SPATA6: variants seen among roughly 807,000 people sequenced by gnomAD.
SPATA6 encodes the protein spermatogenesis associated 6.
Under a neutral mutation model 65.3 loss-of-function variants are expected in SPATA6, and 56 were observed. That is an observed-to-expected ratio of 0.86 (90% CI 0.69 to 1.07). The LOEUF (loss-of-function observed/expected upper bound fraction) is 1.07. Among genes scored for constraint, SPATA6 ranks in the 50% least tolerant of loss-of-function variants. The pLI is 0.00. For missense variants in SPATA6, 590 were observed against 594.8 expected, an observed-to-expected ratio of 0.99 and a Z score of 0.08; for synonymous variants, 199 against 213.2, an observed-to-expected ratio of 0.93 and a Z score of 0.58.
Position 48,305,873 on chromosome 1 carries a change from C to T in SPATA6, c.1200G>A (p.Glu400=), listed in dbSNP as rs1645049260. The change falls in exon 12 of 13, where the codon GAG becomes GAA. Residue 400 remains glutamate (E), a synonymous_variant. Transcript: ENST00000371847. Reference sequence around the variant, plus strand: ...GTTCATCATCTTTCTCTAGGTCTCTCTCATCCTGAAAAATTTTAAAGATTT... The same window carrying T: ...GTTCATCATCTTTCTCTAGGTCTCTTTCATCCTGAAAAATTTTAAAGATTT... ...HQAHQRHLYD[E]RDLEKDDELE... The T allele has an allele frequency of 1.2e-6, 2 of 1,610,792 alleles. No homozygotes were observed. The highest frequency in any genetic ancestry group is 1.1e-5 in the South Asian group (1 of 90,758).
chr1:48,433,545 T>C (rs1654603134), intron 3 of SPATA6, among the ~76,000 whole-genome samples: 1 of 152,282 alleles, frequency 6.6e-6, no homozygotes, highest in East Asian at 1.9e-4. Context: ...AAATGTACTA[T>C]GATACTCCAG....
At position 48,445,389 on chromosome 1, in the gene SPATA6, C is replaced by T. The variant is rs181869201; in HGVS notation, c.238+6163G>A. On this transcript the variant is annotated intron_variant, in intron 3 of 12. Transcript: ENST00000371847. ...CTTAAAAAGCTAACACATGGCTGGG[C>T]GTGGTGGCTCACGCCTGTAATCCCA... Among the ~76,000 whole-genome samples, 23 of 152,226 alleles carry T rather than the reference C, an allele frequency of 1.5e-4. No homozygotes were observed. In the East Asian group the frequency reaches 2.5e-3, roughly 17 times the overall value.
chr1:48,418,276 G>C (rs774660894), intron 3 of SPATA6, among the ~76,000 whole-genome samples: 1 of 151,934 alleles, frequency 6.6e-6, no homozygotes, highest in Non-Finnish European at 1.5e-5. Flanking sequence ...AACAAAAAAG[G>C]GAAAATGCTG....
At chr1:48,312,183 T>G (rs1029790511) in intron 11 of SPATA6, among the ~76,000 whole-genome samples, 1 of 152,156 alleles carries the variant, frequency 6.6e-6, no homozygotes, top group African/African-American at 2.4e-5. Context: ...TCTGCAGACT[T>G]AAATGTCCCT....
intron 3 of SPATA6, among the ~76,000 whole-genome samples, chr1:48,424,341 T>C (rs1653637824): frequency 6.6e-6 from 1 of 152,262 alleles, no homozygotes; most frequent in Non-Finnish European, 1.5e-5. Context: ...TATTCTTTCT[T>C]ACGGTTGAAT....
At chr1:48,361,764 T>C (rs1432885051) in intron 9 of SPATA6, among the ~76,000 whole-genome samples, 1 of 152,198 alleles carries the variant, frequency 6.6e-6, no homozygotes, top group African/African-American at 2.4e-5. Context: ...TATACATTAG[T>C]TGCCCAATAA....
chr1:48,459,887 AAG>A (rs1657296619), intron 1 of SPATA6, among the ~76,000 whole-genome samples: 2 of 152,230 alleles, frequency 1.3e-5, no homozygotes, highest in South Asian at 4.1e-4. Flanking sequence ...TAGGTCAAAG[AAG>A]AAATTATAAG....
At chr1:48,317,071 C>G (rs1052772841) in intron 11 of SPATA6, among the ~76,000 whole-genome samples, 1 of 152,194 alleles carries the variant, frequency 6.6e-6, no homozygotes, top group Non-Finnish European at 1.5e-5. Context: ...CACTTTTACA[C>G]TGTTGGTGGG....
intron 6 of SPATA6, among the ~76,000 whole-genome samples, chr1:48,401,144 C>A (rs919903841): frequency 3.3e-5 from 5 of 152,028 alleles, no homozygotes; most frequent in African/African-American, 1.2e-4. Flanking sequence ...TCTTGACTCA[C>A]TGAATCTGTT....
chr1:48,374,949 C>T (rs1647713757), intron 9 of SPATA6, among the ~76,000 whole-genome samples: 1 of 152,154 alleles, frequency 6.6e-6, no homozygotes, highest in Non-Finnish European at 1.5e-5. Context: ...TGTATTATGT[C>T]ATAAACTCAG....
intron 3 of SPATA6, among the ~76,000 whole-genome samples, chr1:48,431,047 C>T (rs370399527): frequency 6.6e-6 from 1 of 152,138 alleles, no homozygotes; most frequent in East Asian, 1.9e-4. Flanking sequence ...TCTAAAGATG[C>T]ACACATTTTA....
At chr1:48,385,954 A>G (rs924337728) in intron 8 of SPATA6, among the ~76,000 whole-genome samples, 2 of 152,200 alleles carry the variant, frequency 1.3e-5, no homozygotes, top group Admixed American at 6.5e-5. Context: ...TCTTACACGT[A>G]AGGCACTAAA....
In SPATA6 at chr1:48,471,657, T is replaced by A. The variant is rs912581871; in HGVS notation, c.51+301A>T. On this transcript the variant is annotated intron_variant, in intron 1 of 12. Coordinates refer to ENST00000371847, the MANE Select transcript of SPATA6 (RefSeq NM_019073.4). ...CCGCGCCGCGCACATACACTCTCTCTCACTGGAAAGTTAGGAGCGAGGAAA... is the reference window on the plus strand; with the variant it reads ...CCGCGCCGCGCACATACACTCTCTCACACTGGAAAGTTAGGAGCGAGGAAA... 3.9e-5 allele frequency among the ~76,000 whole-genome samples: 6 copies of A among 152,240 alleles called. No individual in the cohort carries two copies. The East Asian group carries it at 1.2e-3, about 29-fold the overall frequency.
intron 4 of SPATA6, among the ~76,000 whole-genome samples, chr1:48,412,711 C>T (rs771678078): frequency 7.9e-5 from 12 of 152,066 alleles, no homozygotes; most frequent in Admixed American, 2.6e-4. Context: ...CTCTGCCTCC[C>T]GGGTTCAAGT....
chr1:48,457,854 G>A (rs1356388271), intron 1 of SPATA6, among the ~76,000 whole-genome samples: 1 of 151,798 alleles, frequency 6.6e-6, no homozygotes, highest in Non-Finnish European at 1.5e-5. Flanking sequence ...TAAAAACAGT[G>A]TAAATGCATT....
chr1:48,407,942 A>G (rs928058507), intron 5 of SPATA6, among the ~76,000 whole-genome samples: 1 of 152,228 alleles, frequency 6.6e-6, no homozygotes, highest in Non-Finnish European at 1.5e-5. Flanking sequence ...ATTACATTAA[A>G]GAGACCATAA....
chr1:48,379,842 C>T (rs924390747), intron 9 of SPATA6, among the ~76,000 whole-genome samples: 1 of 152,072 alleles, frequency 6.6e-6, no homozygotes, highest in Non-Finnish European at 1.5e-5. Context: ...TTTAAAAATA[C>T]AATGGAAATA....
the SPATA6 span, among the ~76,000 whole-genome samples, chr1:48,288,751 G>A: frequency 6.6e-6 from 1 of 152,204 alleles, no homozygotes; most frequent in Admixed American, 6.5e-5. Context: ...CTCATTGCTA[G>A]CACAGCAGTC....
intron 6 of SPATA6, chr1:48,400,917 C>T (rs1651101786): frequency 1.2e-6 from 1 of 834,668 alleles, no homozygotes; most frequent in Non-Finnish European, 1.6e-6. Context: ...ACATCACAGA[C>T]TTACAGAAGC....
Sources: gnomAD v4.1 joint callset for allele counts (sites outside exome capture counted in the v4.1 genomes callset) on GRCh38, gnomAD v4.1.1 for gene constraint, MANE v1.5 for transcripts, NCBI Gene and HGNC (gene_info 2026-07-23, HGNC 2026-07-21) for gene names.